PAK5: variants seen among roughly 807,000 people sequenced by gnomAD.
PAK5 encodes serine/threonine-protein kinase PAK 5.
Under a neutral mutation model 65.9 loss-of-function variants are expected in PAK5, and 16 were observed. The observed-to-expected ratio is 0.24, with a 90% CI of 0.16 to 0.37. PAK5 has a LOEUF of 0.37. PAK5 is among the 10% of genes least tolerant of loss of function. The pLI, the probability that PAK5 is intolerant of heterozygous loss-of-function variation, is 1.00. For missense variants in PAK5, 785 were observed against 903.9 expected (o/e 0.87, Z 1.69); for synonymous variants, 371 against 354.9 (o/e 1.05, Z -0.51).
intron 1 of PAK5, among the ~76,000 whole-genome samples, chr20:9,775,962 C>A (rs1158607676): frequency 6.6e-6 from 1 of 152,034 alleles, no homozygotes; most frequent in Non-Finnish European, 1.5e-5. Flanking sequence ...ATGATTAATT[C>A]ATTATGAGAA....
intron 2 of PAK5, among the ~76,000 whole-genome samples, chr20:9,698,354 C>T (rs372966604): frequency 6.6e-6 from 1 of 152,106 alleles, no homozygotes; most frequent in African/African-American, 2.4e-5. Context: ...CTTTGGCCAG[C>T]CAGAAAGAGA....
intron 2 of PAK5, among the ~76,000 whole-genome samples, chr20:9,705,484 A>G (rs556919790): frequency 2.6e-5 from 4 of 152,278 alleles, no homozygotes; most frequent in Admixed American, 1.3e-4. Context: ...GTAAATTGCT[A>G]CCAATTCTGT....
chr20:9,760,009 A>G (rs1393885773), intron 1 of PAK5, among the ~76,000 whole-genome samples: 1 of 152,200 alleles, frequency 6.6e-6, no homozygotes, highest in African/African-American at 2.4e-5. Flanking sequence ...CCCTACGCTA[A>G]TGTTTTCCAG....
At chr20:9,779,954 G>A (rs6056868) in intron 1 of PAK5, among the ~76,000 whole-genome samples, 54,299 of 151,768 alleles carry the variant, frequency 0.36, 10,199 homozygotes, top group Middle Eastern at 0.48. Context: ...TCTAATACAC[G>A]TATCCTATAG....
At chr20:9,797,123 C>A (rs866062476) in intron 1 of PAK5, among the ~76,000 whole-genome samples, 6 of 151,310 alleles carry the variant, frequency 4.0e-5, no homozygotes, top group Non-Finnish European at 7.4e-5. Flanking sequence ...TTTTGATTTG[C>A]GTTTCTCTGA....
At chr20:9,690,073 A>G in intron 2 of PAK5, among the ~76,000 whole-genome samples, 1 of 152,236 alleles carries the variant, frequency 6.6e-6, no homozygotes, top group African/African-American at 2.4e-5. Context: ...CCAGTCAGAC[A>G]ACAGTATCAT....
intron 1 of PAK5, among the ~76,000 whole-genome samples, chr20:9,776,003 T>TA (rs1390377287): frequency 1.3e-5 from 2 of 152,222 alleles, no homozygotes; most frequent in Non-Finnish European, 2.9e-5. Context: ...TATCATGTAG[T>TA]AAAGAAATAG....
chr20:9,600,735 C>T (rs747236611), intron 3 of PAK5, among the ~76,000 whole-genome samples: 1 of 152,208 alleles, frequency 6.6e-6, no homozygotes, highest in Non-Finnish European at 1.5e-5. Flanking sequence ...TCTCTGCTGT[C>T]CTCACATTTC....
intron 2 of PAK5, among the ~76,000 whole-genome samples, chr20:9,656,069 C>A (rs2047263974): frequency 6.6e-6 from 1 of 152,054 alleles, no homozygotes; most frequent in Admixed American, 6.6e-5. Flanking sequence ...GGACAGAATT[C>A]ATCCCATAAG....
chr20:9,544,494 T>G lies in PAK5; in HGVS notation c.1744A>C (p.Ile582Leu). 1 of 1,613,712 alleles carries G rather than the reference T, an allele frequency of 6.2e-7. No homozygotes were observed. The highest frequency in any genetic ancestry group is 2.2e-5 in the East Asian group (1 of 44,886). ...CAGAAACCAAAATCAGACAACTTTA[T>G]CTGAAAAGGAAAGGAATGCAACAAA... ...DSILLTSDGRIKLSDFGFCAQ... is the reference protein window; with the variant it reads ...DSILLTSDGRLKLSDFGFCAQ... The change falls in exon 8 of 10, where the codon ATA becomes CTA. Residue 582 changes from isoleucine to leucine, a missense_variant and splice_region_variant. This residue lies in a region of PAK5 where 182 missense variants were observed against 273.0 expected (regional missense o/e 0.67). Transcript: ENST00000353224.
At chr20:9,817,082 G>A (rs1481691414) in intron 1 of PAK5, among the ~76,000 whole-genome samples, 1 of 152,064 alleles carries the variant, frequency 6.6e-6, no homozygotes, top group Admixed American at 6.6e-5. Context: ...AGGAGTTTGA[G>A]TCCAGGCTGG....
chr20:9,641,323 G>A (rs1476462789), intron 3 of PAK5, among the ~76,000 whole-genome samples: 2 of 148,028 alleles, frequency 1.4e-5, no homozygotes, highest in Non-Finnish European at 3.0e-5. Context: ...TAGACATAAA[G>A]GTTCTCCAAG....
At chr20:9,714,621 A>G (rs549580235) in intron 1 of PAK5, among the ~76,000 whole-genome samples, 1,608 of 152,288 alleles carry the variant, frequency 0.011, 14 homozygotes, top group Middle Eastern at 0.041. Flanking sequence ...CTTCATAGGA[A>G]GTAATTTGTT....
At position 9,705,451 on chromosome 20, in the gene PAK5, G is replaced by T. The variant is rs188704869; in HGVS notation, c.-12+5835C>A. ...AGGAGAATGGTGTTCAAAGGGAATA[G>T]TCATATACCACTTGTTGGGAGTGTA... On this transcript the variant is annotated intron_variant, in intron 2 of 9. Coordinates refer to ENST00000353224, the MANE Select transcript of PAK5 (RefSeq NM_177990.4). Among the ~76,000 whole-genome samples, 528 of 152,298 alleles carry T rather than the reference G, an allele frequency of 3.5e-3. 3 individuals are homozygous for T. The highest frequency in any genetic ancestry group is 0.012 in the African/African-American group (497 of 41,566).
chr20:9,617,359 G>A (rs983678428), intron 3 of PAK5, among the ~76,000 whole-genome samples: 16 of 152,076 alleles, frequency 1.1e-4, no homozygotes, highest in African/African-American at 3.6e-4. Flanking sequence ...CAAAACTCTG[G>A]GGATTGGGCC....
At chr20:9,601,078 T>C (rs2046351424) in intron 3 of PAK5, among the ~76,000 whole-genome samples, 1 of 152,078 alleles carries the variant, frequency 6.6e-6, no homozygotes, top group African/African-American at 2.4e-5. Context: ...CTCTTATATC[T>C]AAGCTGGAGG....
At chr20:9,560,028 A>G (rs2045568859) in intron 6 of PAK5, among the ~76,000 whole-genome samples, 1 of 152,234 alleles carries the variant, frequency 6.6e-6, no homozygotes, top group Non-Finnish European at 1.5e-5. Flanking sequence ...ACCATCTTTA[A>G]TAAAATTATT....
intron 3 of PAK5, among the ~76,000 whole-genome samples, chr20:9,623,845 AT>A (rs2046805070): frequency 6.6e-6 from 1 of 152,354 alleles, no homozygotes; most frequent in African/African-American, 2.4e-5. Context: ...AAGAGAGGAA[AT>A]AAAAACCACA....
chr20:9,798,563 C>T (rs1446705961), intron 1 of PAK5, among the ~76,000 whole-genome samples: 2 of 152,134 alleles, frequency 1.3e-5, no homozygotes, highest in Non-Finnish European at 2.9e-5. Flanking sequence ...GGCAAGTCAT[C>T]AGCTTAAAGC....
Sources: gnomAD v4.1 joint callset for allele counts (sites outside exome capture counted in the v4.1 genomes callset) on GRCh38, gnomAD v4.1.1 for gene constraint, gnomAD v4.1.1 regional missense constraint, MANE v1.5 for transcripts, NCBI Gene and HGNC (gene_info 2026-07-23, HGNC 2026-07-21) for gene names.